Variants in ULK4 observed in about 807,000 individuals in gnomAD.
ULK4 encodes the protein inactive serine/threonine-protein kinase ULK4.
Under a neutral mutation model 160.6 loss-of-function variants are expected in ULK4, and 133 were observed. The ratio of observed to expected loss-of-function variants is 0.83; its 90% CI spans 0.72 to 0.96. The LOEUF (loss-of-function observed/expected upper bound fraction) is 0.96. Ranked by LOEUF, ULK4 falls within the 40% of genes least tolerant of loss-of-function variation. The pLI is 0.00. For synonymous variants in ULK4, 534 were observed against 539.8 expected (o/e 0.99, Z 0.15); for missense variants, 1,580 against 1,499.5 (o/e 1.05, Z -0.89).
intron 31 of ULK4, among the ~76,000 whole-genome samples, chr3:41,614,491 C>T (rs1016074910): frequency 2.6e-5 from 4 of 152,168 alleles, no homozygotes; most frequent in Admixed American, 1.3e-4. Flanking sequence ...TTAACATCTC[C>T]GTTAGAGAGC....
At chr3:41,801,400 A>G (rs186956210) in intron 19 of ULK4, among the ~76,000 whole-genome samples, 241 of 152,272 alleles carry the variant, frequency 1.6e-3, no homozygotes, top group Non-Finnish European at 4.0e-4. Context: ...AGTTGGAAAA[A>G]TGCTTGAAAT....
At position 41,338,816 on chromosome 3, in the gene ULK4, AG is replaced by A. The variant is rs145964526; in HGVS notation, c.3678+59262del. 3.9e-4 allele frequency among the ~76,000 whole-genome samples: 60 copies of A among 152,110 alleles called. 1 individual carries two copies. The East Asian group carries it at 0.011, about 28-fold the overall frequency. The stretch of plus-strand genomic sequence containing the variant: ...ATATCAGATGTTATAGATTCCAGTA[AG>A]ATCCTGAAGGCCTGAGAACCAGGAA... On this transcript the variant is annotated intron_variant, in intron 35 of 36. Coordinates refer to ENST00000301831, the MANE Select transcript of ULK4 (RefSeq NM_017886.4).
At chr3:41,661,767 A>G (rs950927839) in intron 30 of ULK4, among the ~76,000 whole-genome samples, 1 of 152,186 alleles carries the variant, frequency 6.6e-6, no homozygotes, top group Non-Finnish European at 1.5e-5. Flanking sequence ...AAAAATACAA[A>G]AACTATTCCA....
At chr3:41,929,988 T>C (rs1030635403) in intron 5 of ULK4, among the ~76,000 whole-genome samples, 5 of 152,134 alleles carry the variant, frequency 3.3e-5, no homozygotes, top group African/African-American at 1.2e-4. Context: ...AAAAAACTAC[T>C]TTAAATTTCA....
intron 35 of ULK4, among the ~76,000 whole-genome samples, chr3:41,266,847 T>G (rs555711726): frequency 6.6e-6 from 1 of 152,090 alleles, no homozygotes; most frequent in South Asian, 2.1e-4. Context: ...AACAGCCTCC[T>G]TTACTTCCAT....
At chr3:41,880,242 A>C (rs1575875542) in intron 17 of ULK4, among the ~76,000 whole-genome samples, 1 of 152,358 alleles carries the variant, frequency 6.6e-6, no homozygotes, top group East Asian at 1.9e-4. Flanking sequence ...TAAAATTATT[A>C]CACATAGAAA....
intron 35 of ULK4, among the ~76,000 whole-genome samples, chr3:41,288,360 A>C (rs2079501166): frequency 2.0e-5 from 3 of 152,164 alleles, no homozygotes. Context: ...ATCCCAGTAA[A>C]GTGATTCTCA....
chr3:41,689,892 A>G (rs2036228579), intron 27 of ULK4, among the ~76,000 whole-genome samples: 1 of 149,824 alleles, frequency 6.7e-6, no homozygotes, highest in Non-Finnish European at 1.5e-5. Flanking sequence ...GCGATTCCTC[A>G]GGGATCTAGA....
Position 41,867,547 on chromosome 3 carries a change from C to T in ULK4, c.1656+16327G>A, listed in dbSNP as rs187771099. 1.1e-4 allele frequency among the ~76,000 whole-genome samples: 16 copies of T among 152,286 alleles called. No individual in the cohort carries two copies. In the East Asian group the frequency reaches 2.9e-3, roughly 28 times the overall value. ...CCACCATGCCCAGATAATTTTTGTA[C>T]TTTCAGTAGACAGGGTTTCTACTAA... On this transcript the variant is annotated intron_variant, in intron 17 of 36. Transcript: ENST00000301831.
At chr3:41,528,931 CAT>C (rs1234955062) in intron 32 of ULK4, among the ~76,000 whole-genome samples, 3 of 152,180 alleles carry the variant, frequency 2.0e-5, no homozygotes, top group African/African-American at 4.8e-5. Flanking sequence ...CCCCGTGACA[CAT>C]GTCTGCCTAT....
chr3:41,946,084 T>C (rs2148835541), intron 2 of ULK4, among the ~76,000 whole-genome samples: 1 of 152,120 alleles, frequency 6.6e-6, no homozygotes, highest in East Asian at 1.9e-4. Context: ...ATTTCTTGAT[T>C]GTGTGCTGGT....
chr3:41,575,143 G>A (rs1217522547), intron 31 of ULK4, among the ~76,000 whole-genome samples: 3 of 152,214 alleles, frequency 2.0e-5, no homozygotes, highest in Admixed American at 6.5e-5. Context: ...CTAAGGGTGA[G>A]AAACAGGGAA....
intron 2 of ULK4, among the ~76,000 whole-genome samples, chr3:41,944,571 C>T (rs79260766): frequency 2.4e-3 from 368 of 152,152 alleles, no homozygotes; most frequent in African/African-American, 7.9e-3. Context: ...TTAAGGATGG[C>T]CTCTACCTTC....
intron 32 of ULK4, among the ~76,000 whole-genome samples, chr3:41,466,211 G>C (rs2083829853): frequency 6.6e-6 from 1 of 152,104 alleles, no homozygotes; most frequent in African/African-American, 2.4e-5. Flanking sequence ...ACTTCTCCAA[G>C]GAGCCCTGGT....
chr3:41,825,783 C>T (rs1056887597), intron 18 of ULK4, among the ~76,000 whole-genome samples: 3 of 151,866 alleles, frequency 2.0e-5, no homozygotes, highest in Non-Finnish European at 4.4e-5. Context: ...GGCAGGCCAA[C>T]ATTCAAATTC....
chr3:41,428,861 T>C (rs896385455), intron 34 of ULK4, among the ~76,000 whole-genome samples: 2 of 152,136 alleles, frequency 1.3e-5, no homozygotes, highest in African/African-American at 2.4e-5. Flanking sequence ...AAAGATTTTA[T>C]GACAAAAACG....
chr3:41,585,683 T>A (rs945352855), intron 31 of ULK4, among the ~76,000 whole-genome samples: 1 of 152,028 alleles, frequency 6.6e-6, no homozygotes, highest in African/African-American at 2.4e-5. Context: ...CACATCAAAT[T>A]TTAAAACTTT....
chr3:41,437,251 T>C (rs1211706870), intron 34 of ULK4, among the ~76,000 whole-genome samples: 1 of 152,158 alleles, frequency 6.6e-6, no homozygotes, highest in Non-Finnish European at 1.5e-5. Context: ...TAATGGCCCT[T>C]GGCAGGGAGG....
intron 8 of ULK4, among the ~76,000 whole-genome samples, chr3:41,913,680 A>G (rs1698874412): frequency 6.6e-6 from 1 of 152,208 alleles, no homozygotes; most frequent in South Asian, 2.1e-4. Context: ...TAAGAATATC[A>G]GCCCAGGTGT....
Sources: allele counts gnomAD v4.1 joint callset (sites outside exome capture counted in the v4.1 genomes callset), GRCh38; gene constraint gnomAD v4.1.1; transcripts MANE v1.5; gene names NCBI Gene and HGNC (gene_info 2026-07-23, HGNC 2026-07-21).